PARD3: variants seen among roughly 807,000 people sequenced by gnomAD.
The protein encoded by PARD3 is par-3 family cell polarity regulator.
In PARD3, 75 loss-of-function variants were observed where a neutral mutation model predicts 155.4. The observed-to-expected ratio is 0.48, with a 90% CI of 0.40 to 0.58. The LOEUF is 0.58. PARD3 is among the 20% of genes least tolerant of loss of function. The probability of loss-of-function intolerance (pLI) is 0.00; values close to 1 mark genes in which losing one functional copy is unlikely to be tolerated. For synonymous variants in PARD3, 576 were observed against 610.5 expected (o/e 0.94, Z 0.83); for missense variants, 1,642 against 1,721.7 (o/e 0.95, Z 0.82).
chr10:34,614,982 T>C (rs1198576818), intron 2 of PARD3, among the ~76,000 whole-genome samples: 1 of 152,054 alleles, frequency 6.6e-6, no homozygotes, highest in Non-Finnish European at 1.5e-5. Context: ...ATCAAGACCA[T>C]CCTGGCTAAC....
intron 7 of PARD3, among the ~76,000 whole-genome samples, chr10:34,392,213 A>T (rs1045054452): frequency 6.6e-6 from 1 of 152,190 alleles, no homozygotes; most frequent in Non-Finnish European, 1.5e-5. Context: ...TAGAGATGTG[A>T]TTTCATTTTT....
intron 2 of PARD3, among the ~76,000 whole-genome samples, chr10:34,601,989 T>C (rs952195201): frequency 1.3e-5 from 2 of 152,198 alleles, no homozygotes; most frequent in African/African-American, 4.8e-5. Flanking sequence ...TCCTAATTAC[T>C]TGTATAGAGA....
chr10:34,252,777 T>G (rs1414710871), intron 22 of PARD3, among the ~76,000 whole-genome samples: 2 of 151,654 alleles, frequency 1.3e-5, no homozygotes, highest in Non-Finnish European at 2.9e-5. Context: ...TATATATGCA[T>G]AGTCATTTGT....
intron 1 of PARD3, among the ~76,000 whole-genome samples, chr10:34,750,509 A>ACACC (rs1395471722): frequency 8.8e-4 from 123 of 140,158 alleles, no homozygotes; most frequent in Non-Finnish European, 1.2e-3. Flanking sequence ...ACACACACAC[A>ACACC]CCCTAAGACT....
intron 20 of PARD3, among the ~76,000 whole-genome samples, chr10:34,303,358 T>C (rs1190974679): frequency 6.6e-6 from 1 of 152,044 alleles, no homozygotes; most frequent in South Asian, 2.1e-4. Flanking sequence ...AAACTTTACT[T>C]TCTCAAAATT....
chr10:34,233,045 G>C, intron 22 of PARD3, among the ~76,000 whole-genome samples: 2 of 50,502 alleles, frequency 4.0e-5, no homozygotes, highest in African/African-American at 9.3e-5. Context: ...TTTTTGCCTA[G>C]CTCCAAGTAG....
At chr10:34,143,972 C>G (rs1948331147) in intron 22 of PARD3, among the ~76,000 whole-genome samples, 1 of 151,710 alleles carries the variant, frequency 6.6e-6, no homozygotes, top group African/African-American at 2.4e-5. Flanking sequence ...TTTCTATTTA[C>G]AACTTGGCCA....
chr10:34,813,936 T>C (rs1844549709), intron 1 of PARD3, among the ~76,000 whole-genome samples: 1 of 152,146 alleles, frequency 6.6e-6, no homozygotes. Flanking sequence ...ACACAGTCGG[T>C]AAAACAATTT....
intron 4 of PARD3, among the ~76,000 whole-genome samples, chr10:34,451,721 C>A (rs1014592935): frequency 6.1e-5 from 9 of 147,708 alleles, no homozygotes; most frequent in African/African-American, 1.7e-4. Context: ...AATTAACCTG[C>A]AAGAAACAAA....
intron 1 of PARD3, among the ~76,000 whole-genome samples, chr10:34,776,846 G>C (rs1353630941): frequency 4.1e-5 from 5 of 123,068 alleles, no homozygotes; most frequent in Admixed American, 1.6e-4. Flanking sequence ...GGGGGGGGGG[G>C]GCGGGTGGGG....
intron 22 of PARD3, among the ~76,000 whole-genome samples, chr10:34,225,927 A>G (rs1045764886): frequency 1.3e-5 from 2 of 152,240 alleles, no homozygotes; most frequent in African/African-American, 4.8e-5. Context: ...TTCAAAAGAC[A>G]ACAGTAAGTA....
intron 2 of PARD3, among the ~76,000 whole-genome samples, chr10:34,518,794 GTGAATATGATAA>G (rs1172246938): frequency 6.6e-6 from 1 of 152,138 alleles, no homozygotes; most frequent in Middle Eastern, 3.2e-3. Flanking sequence ...ATTAATGGGT[GTGAATATGATAA>G]TAACAGGATA....
chr10:34,808,097 T>C (rs376009388), intron 1 of PARD3, among the ~76,000 whole-genome samples: 59 of 152,320 alleles, frequency 3.9e-4, no homozygotes, highest in Middle Eastern at 6.8e-3. Flanking sequence ...GTGGATTGCT[T>C]GAGCTCAGGT....
At chr10:34,562,613 A>G (rs1362052188) in intron 2 of PARD3, among the ~76,000 whole-genome samples, 1 of 152,178 alleles carries the variant, frequency 6.6e-6, no homozygotes, top group Non-Finnish European at 1.5e-5. Flanking sequence ...TTATTTTCTT[A>G]GTCTATCATT....
chr10:34,578,219 T>G (rs936760350), intron 2 of PARD3, among the ~76,000 whole-genome samples: 1 of 152,106 alleles, frequency 6.6e-6, no homozygotes. Context: ...ACAGCAAAAC[T>G]TCGTGCTGAA....
At chr10:34,138,881 CT>C (rs1351048920) in intron 22 of PARD3, among the ~76,000 whole-genome samples, 3 of 151,190 alleles carry the variant, frequency 2.0e-5, no homozygotes, top group Non-Finnish European at 4.4e-5. Context: ...GAACATTATT[CT>C]TTTCCCAATT....
At position 34,243,473 on chromosome 10, in the gene PARD3, C is replaced by T. The variant is rs142577943; in HGVS notation, c.3419+26184G>A. On this transcript the variant is annotated intron_variant, in intron 22 of 24. Transcript: ENST00000374788. ...TCCAATATTTTATGATGTGCTAAAA[C>T]GAAATGCTTCTTCAAGTAACTGAGC... Among the ~76,000 whole-genome samples, 5 of 152,216 alleles carry T rather than the reference C, an allele frequency of 3.3e-5. No individual in the cohort carries two copies. The East Asian group carries it at 5.8e-4, about 18-fold the overall frequency.
chr10:34,696,416 G>C lies in PARD3; in HGVS notation c.124C>G (p.Pro42Ala), dbSNP rs927011197. 5 of 1,589,068 alleles carry C rather than the reference G, an allele frequency of 3.1e-6. No individual in the cohort carries two copies. Among genetic ancestry groups the C allele is most frequent in the Non-Finnish European group, 8.6e-7 (1 of 1,157,718 alleles). ...TRYRKAIAKD[P>A]NYWIQVHRLE... The stretch of plus-strand genomic sequence containing the variant: ...CGATGCACCTGTATCCAGTAGTTTG[G>C]ATCCTATACGAAAGAACAGAAACAC... Residue 42 changes from proline (P) to alanine (A), a missense_variant, in exon 2 of 25, where the codon CCA (proline) becomes GCA (alanine). Physicochemically the swap from Pro to Ala is conservative, Grantham distance 27. Around this residue, in one of 3 missense-constraint regions of PARD3, gnomAD observed 75 missense variants for 65.3 expected, o/e 1.15. Coordinates refer to ENST00000374788, the MANE Select transcript of PARD3 (RefSeq NM_001184785.2).
chr10:34,199,239 G>A (rs1033807576), intron 22 of PARD3, among the ~76,000 whole-genome samples: 3 of 152,128 alleles, frequency 2.0e-5, no homozygotes, highest in Non-Finnish European at 2.9e-5. Flanking sequence ...CCCCAGCTTT[G>A]GGAGATAGAT....
Sources: gnomAD v4.1 joint callset for allele counts (sites outside exome capture counted in the v4.1 genomes callset) on GRCh38, gnomAD v4.1.1 for gene constraint, gnomAD v4.1.1 regional missense constraint, MANE v1.5 for transcripts, NCBI Gene and HGNC (gene_info 2026-07-23, HGNC 2026-07-21) for gene names.